The following PCDHGB1 variants were observed in gnomAD, a reference collection of about 807,000 sequenced individuals.
PCDHGB1 encodes protocadherin gamma subfamily B, 1, also known as protocadherin gamma-B1.
PCDHGB1 carries 34 observed loss-of-function variants against 56.6 expected under a neutral mutation model. The ratio of observed to expected loss-of-function variants is 0.60; its 90% CI spans 0.46 to 0.80. PCDHGB1 has a LOEUF of 0.80. Among genes scored for constraint, PCDHGB1 ranks in the 30% least tolerant of loss-of-function variants. The pLI, the probability that PCDHGB1 is intolerant of heterozygous loss-of-function variation, is 0.00. For synonymous variants in PCDHGB1, 561 were observed against 505.9 expected, an observed-to-expected ratio of 1.11 and a Z score of -1.46; for missense variants, 1,278 against 1,204.6, an observed-to-expected ratio of 1.06 and a Z score of -0.90.
chr5:141,424,391 C>T (rs2096818270), intron 1 of PCDHGB1: 1 of 152,106 alleles, frequency 6.6e-6, no homozygotes, highest in South Asian at 2.1e-4. Flanking sequence ...GATGTCTTTT[C>T]CATTACTATG....
chr5:141,404,579 A>G (rs1390358900), intron 1 of PCDHGB1: 1 of 1,614,002 alleles, frequency 6.2e-7, no homozygotes, highest in Non-Finnish European at 8.5e-7. Flanking sequence ...CCCACCACTT[A>G]GCAGCAATGT....
At chr5:141,445,046 G>A (rs181806844) in intron 1 of PCDHGB1, among the ~76,000 whole-genome samples, 1 of 152,248 alleles carries the variant, frequency 6.6e-6, no homozygotes, top group East Asian at 1.9e-4. Context: ...AGTTTTCAGT[G>A]TAGAGAGGTC....
At chr5:141,483,291 A>T (rs767446911) in intron 1 of PCDHGB1, among the ~76,000 whole-genome samples, 4 of 152,126 alleles carry the variant, frequency 2.6e-5, no homozygotes, top group African/African-American at 4.8e-5. Flanking sequence ...TGTCAGTCAT[A>T]AGTGAAGGGA....
chr5:141,383,352 G>T lies in PCDHGB1; in HGVS notation c.2409+30683G>T, dbSNP rs115561507. On this transcript the variant is annotated intron_variant, in intron 1 of 3. Coordinates refer to ENST00000523390, the MANE Select transcript of PCDHGB1 (RefSeq NM_018922.3). ...TGGAGAATACAGCTCCTGGGGTTCG[G>T]TTTCCGTTAAGCGAGGCTGGGGATC... The T allele has an allele frequency of 9.3e-4, 1,504 of 1,614,018 alleles. 9 individuals carry two copies. In the African/African-American group the frequency reaches 0.016, roughly 17 times the overall value.
At chr5:141,376,037 C>T (rs1436738898) in intron 1 of PCDHGB1, 1 of 1,613,104 alleles carries the variant, frequency 6.2e-7, no homozygotes, top group African/African-American at 1.3e-5. Flanking sequence ...CCACGGCCAG[C>T]CCCCTCTCTC....
intron 1 of PCDHGB1, chr5:141,430,556 C>A (rs1479639096): frequency 9.7e-6 from 4 of 413,394 alleles, no homozygotes; most frequent in African/African-American, 2.1e-5. Flanking sequence ...GTTCACCAAT[C>A]GGGGAGAGAA....
At chr5:141,498,321 G>A (rs1477684617) in intron 2 of PCDHGB1, among the ~76,000 whole-genome samples, 2 of 151,722 alleles carry the variant, frequency 1.3e-5, no homozygotes, top group Non-Finnish European at 2.9e-5. Flanking sequence ...CTACACAGAA[G>A]GAAGAGCATT....
At chr5:141,428,098 A>G in intron 1 of PCDHGB1, 1 of 1,608,664 alleles carries the variant, frequency 6.2e-7, no homozygotes, top group Non-Finnish European at 8.5e-7. Flanking sequence ...CTGTCCTACC[A>G]CGTGCTGCAG....
At position 141,352,118 on chromosome 5, in the gene PCDHGB1, G is replaced by A. The variant is rs757676331; in HGVS notation, c.1858G>A (p.Gly620Ser). ...PGLFSLGLRT[G>S]EVRTARALGD... The stretch of plus-strand genomic sequence containing the variant: ...GCTCTTCAGCCTGGGGTTGCGCACG[G>A]GTGAGGTGCGCACAGCGCGTGCCTT... Residue 620 changes from glycine (G) to serine (S), a missense_variant, in exon 1 of 4, where the codon GGT (glycine) becomes AGT (serine). By Grantham distance (56) the Gly-to-Ser change is moderately conservative (BLOSUM62 0). Coordinates refer to ENST00000523390, the MANE Select transcript of PCDHGB1 (RefSeq NM_018922.3). The A allele has an allele frequency of 1.3e-5, 21 of 1,609,076 alleles. No individual in the cohort carries two copies. The East Asian group carries it at 3.8e-4, about 29-fold the overall frequency.
intron 1 of PCDHGB1, chr5:141,375,869 A>G (rs767048735): frequency 1.2e-6 from 2 of 1,613,850 alleles, no homozygotes; most frequent in Admixed American, 1.7e-5. Context: ...GGCGGTGGAC[A>G]GAGACTCGGG....
chr5:141,429,390 A>ATT (rs1561841316), intron 1 of PCDHGB1, among the ~76,000 whole-genome samples: 8 of 150,216 alleles, frequency 5.3e-5, no homozygotes, highest in African/African-American at 1.7e-4. Flanking sequence ...TTTTTTTTAA[A>ATT]AAAAATTGAG....
intron 1 of PCDHGB1, chr5:141,366,088 C>T (rs752144187): frequency 3.1e-6 from 5 of 1,614,256 alleles, no homozygotes; most frequent in Non-Finnish European, 4.2e-6. Context: ...AACCTGGCTA[C>T]CTGGTGACCA....
At chr5:141,388,906 A>G (rs943139475) in intron 1 of PCDHGB1, 5 of 1,613,898 alleles carry the variant, frequency 3.1e-6, no homozygotes, top group African/African-American at 2.7e-5. Flanking sequence ...GAAAATGACA[A>G]CGCCCCAGAA....
chr5:141,418,542 T>G, intron 1 of PCDHGB1: 1 of 1,614,028 alleles, frequency 6.2e-7, no homozygotes, highest in Non-Finnish European at 8.5e-7. Flanking sequence ...ACTGCTCAGA[T>G]AAGAATCCTG....
chr5:141,413,371 C>G (rs752898022), intron 1 of PCDHGB1: 1 of 1,613,966 alleles, frequency 6.2e-7, no homozygotes, highest in Non-Finnish European at 8.5e-7. Context: ...GCTGGCGGAG[C>G]GCGGAGTCCG....
At position 141,421,819 on chromosome 5, in the gene PCDHGB1, G is replaced by C. The variant is rs752366104; in HGVS notation, c.2409+69150G>C. The C allele has an allele frequency of 3.8e-5, 61 of 1,613,688 alleles. No homozygotes were observed. Among genetic ancestry groups the C allele is most frequent in the Non-Finnish European group, 4.9e-5 (58 of 1,179,892 alleles). ...GGCCAAGAATCCAGAGCTAGTACTG[G>C]AGGGAAGCCTGGACCGAGAGAAAGA... On this transcript the variant is annotated intron_variant, in intron 1 of 3. Coordinates refer to ENST00000523390, the MANE Select transcript of PCDHGB1 (RefSeq NM_018922.3).
chr5:141,491,148 G>A lies in PCDHGB1; in HGVS notation c.2410-3659G>A. The A allele has an allele frequency of 6.8e-6, 11 of 1,614,140 alleles. No homozygotes were observed. The highest frequency in any genetic ancestry group is 9.3e-6 in the Non-Finnish European group (11 of 1,179,990). The stretch of plus-strand genomic sequence containing the variant: ...TGCGCACAGCCCGGGCCTTACTGGA[G>A]GATGACTCTGACACCCAGCAGGTGG... On this transcript the variant is annotated intron_variant, in intron 1 of 3. Transcript: ENST00000523390. The surrounding 1 kb of genome is among the most constrained non-coding windows in gnomAD (Gnocchi z 6.9).
At chr5:141,473,098 A>G (rs564554159) in intron 1 of PCDHGB1, among the ~76,000 whole-genome samples, 6 of 152,300 alleles carry the variant, frequency 3.9e-5, no homozygotes, top group South Asian at 4.1e-4. Context: ...TGTGAGTTGT[A>G]TTACCACACT....
intron 1 of PCDHGB1, chr5:141,421,807 G>C (rs1435916603): frequency 6.2e-7 from 1 of 1,613,852 alleles, no homozygotes; most frequent in Admixed American, 1.7e-5. Flanking sequence ...CAAGAATCCA[G>C]AGCTAGTACT....
Sources: allele counts gnomAD v4.1 joint callset (sites outside exome capture counted in the v4.1 genomes callset), GRCh38; gene constraint gnomAD v4.1.1; non-coding constraint Gnocchi (gnomAD v3.1); transcripts MANE v1.5; gene names NCBI Gene and HGNC (gene_info 2026-07-23, HGNC 2026-07-21).